THSD7B: variants seen among roughly 807,000 people sequenced by gnomAD.
THSD7B encodes the protein thrombospondin type-1 domain-containing protein 7B.
Under a neutral mutation model 213.6 loss-of-function variants are expected in THSD7B, and 138 were observed. The observed-to-expected ratio is 0.65, with a 90% CI of 0.56 to 0.74. THSD7B has a LOEUF of 0.74. THSD7B is among the 30% of genes least tolerant of loss of function. The pLI is 0.00. For synonymous variants in THSD7B, 742 were observed against 687.0 expected (o/e 1.08, Z -1.25); for missense variants, 1,931 against 1,991.5 (o/e 0.97, Z 0.58).
At chr2:137,549,310 C>CTTT (rs1027305359) in intron 15 of THSD7B, among the ~76,000 whole-genome samples, 97 of 25,200 alleles carry the variant, frequency 3.8e-3, no homozygotes, top group Admixed American at 4.9e-3. Context: ...TTCAGATGCT[C>CTTT]TTTTTTTTTT....
intron 15 of THSD7B, among the ~76,000 whole-genome samples, chr2:137,542,059 T>C (rs1338509487): frequency 6.6e-6 from 1 of 151,658 alleles, no homozygotes; most frequent in East Asian, 1.9e-4. Context: ...AAATAAAACC[T>C]AAAATCTTCC....
At chr2:137,129,042 G>A (rs544801613) in intron 5 of THSD7B, among the ~76,000 whole-genome samples, 3 of 151,892 alleles carry the variant, frequency 2.0e-5, no homozygotes, top group Non-Finnish European at 4.4e-5. Flanking sequence ...TCTTATATAA[G>A]CCACGTGGCT....
chr2:136,998,724 G>C (rs908276655), intron 2 of THSD7B, among the ~76,000 whole-genome samples: 16 of 152,024 alleles, frequency 1.1e-4, no homozygotes, highest in Non-Finnish European at 2.4e-4. Context: ...TACTGCTGCT[G>C]GTGGTTTCTT....
At chr2:137,320,995 C>T (rs1684253097) in intron 12 of THSD7B, among the ~76,000 whole-genome samples, 3 of 152,196 alleles carry the variant, frequency 2.0e-5, no homozygotes, top group South Asian at 4.1e-4. Flanking sequence ...AGACAAGTTA[C>T]TTGATTTCAT....
chr2:137,626,629 C>A (rs1682637506), intron 20 of THSD7B, among the ~76,000 whole-genome samples: 1 of 152,170 alleles, frequency 6.6e-6, no homozygotes, highest in Non-Finnish European at 1.5e-5. Flanking sequence ...GTTTCATTCT[C>A]TACCAAATGG....
At chr2:137,284,075 G>A (rs952093756) in intron 12 of THSD7B, among the ~76,000 whole-genome samples, 1 of 152,098 alleles carries the variant, frequency 6.6e-6, no homozygotes, top group Non-Finnish European at 1.5e-5. Flanking sequence ...CTCAATTTCA[G>A]AGCCTGTTAT....
intron 12 of THSD7B, among the ~76,000 whole-genome samples, chr2:137,285,037 G>A (rs1683135513): frequency 6.6e-6 from 1 of 152,114 alleles, no homozygotes; most frequent in African/African-American, 2.4e-5. Flanking sequence ...GGGAGTCTAA[G>A]TCTCTTCGTA....
intron 12 of THSD7B, among the ~76,000 whole-genome samples, chr2:137,321,441 G>GT (rs1404436350): frequency 2.0e-5 from 3 of 152,142 alleles, no homozygotes; most frequent in Non-Finnish European, 4.4e-5. Flanking sequence ...GGAGTGTTGT[G>GT]TTTGTGCTAA....
At chr2:137,366,404 A>C (rs115531406) in intron 12 of THSD7B, among the ~76,000 whole-genome samples, 3,131 of 152,194 alleles carry the variant, frequency 0.021, 103 homozygotes, top group African/African-American at 0.068. Flanking sequence ...AAAAAAAAAA[A>C]GAATTTTAAG....
intron 1 of THSD7B, among the ~76,000 whole-genome samples, chr2:136,797,212 C>A (rs889317427): frequency 6.6e-6 from 1 of 151,898 alleles, no homozygotes; most frequent in East Asian, 1.9e-4. Flanking sequence ...GAGAAATTAT[C>A]ATAATTATTC....
chr2:137,314,310 G>T (rs879532649), intron 12 of THSD7B, among the ~76,000 whole-genome samples: 10 of 152,092 alleles, frequency 6.6e-5, no homozygotes, highest in African/African-American at 1.4e-4. Context: ...GGCTCCTGAG[G>T]CTTCTGCATT....
chr2:137,473,253 TC>T (rs1050590678), intron 15 of THSD7B, among the ~76,000 whole-genome samples: 1 of 152,050 alleles, frequency 6.6e-6, no homozygotes, highest in Non-Finnish European at 1.5e-5. Context: ...AGAGTCTTGC[TC>T]TGTTGCCCAG....
At chr2:137,000,662 C>T (rs746956306) in intron 2 of THSD7B, among the ~76,000 whole-genome samples, 1 of 151,834 alleles carries the variant, frequency 6.6e-6, no homozygotes, top group Admixed American at 6.6e-5. Context: ...TTTGGGAATC[C>T]GATTGCATTA....
intron 2 of THSD7B, among the ~76,000 whole-genome samples, chr2:136,900,287 T>C (rs1344511739): frequency 2.0e-5 from 3 of 152,224 alleles, no homozygotes; most frequent in South Asian, 2.1e-4. Flanking sequence ...CATGTGTGGA[T>C]GTGTGTTTGT....
intron 17 of THSD7B, among the ~76,000 whole-genome samples, chr2:137,574,655 A>G (rs188492757): frequency 6.6e-6 from 1 of 152,234 alleles, no homozygotes; most frequent in Admixed American, 6.5e-5. Context: ...GTACTTTCCC[A>G]TGTAAATGTA....
chr2:137,016,604 A>G (rs1482799066), intron 2 of THSD7B, among the ~76,000 whole-genome samples: 21 of 152,146 alleles, frequency 1.4e-4, no homozygotes, highest in Admixed American at 1.4e-3. Context: ...GTGTTATTTA[A>G]TTCTCATGGG....
intron 15 of THSD7B, among the ~76,000 whole-genome samples, chr2:137,471,481 G>A (rs149397238): frequency 1.5e-3 from 222 of 151,942 alleles, no homozygotes; most frequent in African/African-American, 5.1e-3. Context: ...GGAAGAGCCC[G>A]TCTTCACACT....
At chr2:137,430,533 C>T (rs181304839) in intron 14 of THSD7B, among the ~76,000 whole-genome samples, 1 of 152,300 alleles carries the variant, frequency 6.6e-6, no homozygotes, top group Admixed American at 6.5e-5. Flanking sequence ...AGGGCTGCCC[C>T]ATGGATAAAA....
In THSD7B at chr2:137,115,707, T is replaced by A. The variant is rs1380698184; in HGVS notation, c.1369+414T>A. ...TTTCTGCAAACATATTCCTTTCAAA[T>A]GTCAAGGATCCAGGGTTTTGTCGCC... On this transcript the variant is annotated intron_variant, in intron 5 of 27. Coordinates refer to ENST00000409968, the MANE Select transcript of THSD7B (RefSeq NM_001316349.2). Among the ~76,000 whole-genome samples, 3 of 152,178 alleles carry A rather than the reference T, an allele frequency of 2.0e-5. No homozygotes were observed. The East Asian group carries it at 5.8e-4, about 29-fold the overall frequency.
Sources: gnomAD v4.1 joint callset for allele counts (sites outside exome capture counted in the v4.1 genomes callset) on GRCh38, gnomAD v4.1.1 for gene constraint, MANE v1.5 for transcripts, NCBI Gene and HGNC (gene_info 2026-07-23, HGNC 2026-07-21) for gene names.